SMAD4: variants seen among roughly 807,000 people sequenced by gnomAD.
SMAD4 encodes the protein SMAD family member 4.
Under a neutral mutation model 63.2 loss-of-function variants are expected in SMAD4, and 7 were observed. The observed-to-expected ratio is 0.11, with a 90% CI of 0.06 to 0.21. The LOEUF is 0.21. Among genes scored for constraint, SMAD4 ranks in the 10% least tolerant of loss-of-function variants. The pLI, the probability that SMAD4 is intolerant of heterozygous loss-of-function variation, is 1.00. For synonymous variants in SMAD4, 215 were observed against 235.4 expected (o/e 0.91, Z 0.79); for missense variants, 312 against 693.8 (o/e 0.45, Z 6.18).
intron 1 of SMAD4, among the ~76,000 whole-genome samples, chr18:51,043,598 G>C (rs1379662132): frequency 1.3e-5 from 2 of 152,070 alleles, no homozygotes; most frequent in East Asian, 3.8e-4. Context: ...AGGCACTTGT[G>C]GTCATAGGAA....
At chr18:51,059,844 A>AT in intron 7 of SMAD4, 22 bp from the exon 8 acceptor site, 1 of 1,602,370 alleles carries the variant, frequency 6.2e-7, no homozygotes. Flanking sequence ...TAAAAATGGA[A>AT]TTTTTGTTGT....
intron 9 of SMAD4, 82 bp from the exon 10 acceptor site, chr18:51,066,937 T>G: frequency 9.5e-7 from 1 of 1,048,732 alleles, no homozygotes. Flanking sequence ...TTTTTCAATA[T>G]TAAGCATGCT....
rs199809905 is a variant in SMAD4, at chr18:51,054,933, C to T, written c.607C>T (p.Pro203Ser). The T allele has an allele frequency of 6.2e-7, 1 of 1,614,112 alleles. No individual in the cohort carries two copies. Among genetic ancestry groups the T allele is most frequent in the Non-Finnish European group, 8.5e-7 (1 of 1,179,984 alleles). ...ATACAGCACCCCAGCTCTGTTAGCC[C>T]CATCTGAGTCTAATGCTACCAGCAC... is the stretch of plus-strand genomic sequence containing the variant. The part of the protein sequence containing the change: ...ETYSTPALLA[P>S]SESNATSTAN... Residue 203 changes from proline (P) to serine (S), a missense_variant, in exon 5 of 12, where the codon CCA (proline) becomes TCA (serine). Around this residue, in one of 4 missense-constraint regions of SMAD4, gnomAD observed 169 missense variants for 211.0 expected, o/e 0.80. Coordinates refer to ENST00000342988, the MANE Select transcript of SMAD4 (RefSeq NM_005359.6).
At chr18:51,074,414 C>A (rs1910417987) in intron 10 of SMAD4, among the ~76,000 whole-genome samples, 1 of 152,018 alleles carries the variant, frequency 6.6e-6, no homozygotes, top group African/African-American at 2.4e-5. Flanking sequence ...ACACATATGG[C>A]AAACAAGCAT....
intron 4 of SMAD4, chr18:51,052,876 T>C (rs1169655185): frequency 6.3e-6 from 1 of 157,972 alleles, no homozygotes; most frequent in Non-Finnish European, 1.4e-5. Context: ...AACATGCATA[T>C]GATCATAGTG....
At chr18:51,073,395 A>ACC in intron 10 of SMAD4, among the ~76,000 whole-genome samples, 1 of 62,588 alleles carries the variant, frequency 1.6e-5, no homozygotes. Context: ...ATATACACAC[A>ACC]CACACACACA....
At chr18:51,056,291 G>A (rs934237407) in intron 5 of SMAD4, among the ~76,000 whole-genome samples, 7 of 152,144 alleles carry the variant, frequency 4.6e-5, no homozygotes, top group African/African-American at 1.7e-4. Context: ...CTGTGCCTTT[G>A]TCAATGCTTA....
intron 9 of SMAD4, among the ~76,000 whole-genome samples, chr18:51,066,421 G>C (rs576698550): frequency 1.3e-5 from 2 of 151,846 alleles, no homozygotes; most frequent in Non-Finnish European, 2.9e-5. Context: ...TTCCATTTTA[G>C]CTACTGTATG....
intron 9 of SMAD4, 126 bp from the exon 10 acceptor site, chr18:51,066,893 C>G (rs1037640985): frequency 3.9e-5 from 28 of 713,348 alleles, no homozygotes; most frequent in Admixed American, 9.3e-5. Flanking sequence ...ATGTTAATAG[C>G]TATCTTTTGG....
intron 4 of SMAD4, among the ~76,000 whole-genome samples, chr18:51,050,658 CAAAAA>C (rs796225213): frequency 1.2e-5 from 1 of 84,768 alleles, no homozygotes; most frequent in African/African-American, 3.9e-5. Context: ...GACTCTGTCT[CAAAAA>C]AAAAAAAAAA....
At position 51,079,275 on chromosome 18, in the gene SMAD4, A is replaced by G. The variant is rs183984903; in HGVS notation, c.*808A>G. The stretch of plus-strand genomic sequence containing the variant: ...CACAAGGTTGGTTGCTAAGAAGCCT[A>G]TAAGAGGAATTTCTTTTCCTTCATT... On this transcript the variant is annotated 3_prime_UTR_variant, in exon 12 of 12. Coordinates refer to ENST00000342988, the MANE Select transcript of SMAD4 (RefSeq NM_005359.6). 5.1e-5 allele frequency: 12 copies of G among 233,298 alleles called. No individual in the cohort carries two copies. The highest frequency in any genetic ancestry group is 6.8e-5 in the Non-Finnish European group (8 of 117,890). The allele number at this position is 233,298 out of a possible 1,614,324, so 14.5% of individuals were successfully genotyped here.
intron 1 of SMAD4, among the ~76,000 whole-genome samples, chr18:51,032,237 A>G (rs1339375018): frequency 6.6e-6 from 1 of 152,150 alleles, no homozygotes; most frequent in Non-Finnish European, 1.5e-5. Context: ...TTTGCTTTCC[A>G]GGTTTTTGGG....
chr18:51,034,768 AC>A (rs1396580084), intron 1 of SMAD4, among the ~76,000 whole-genome samples: 2 of 150,020 alleles, frequency 1.3e-5, no homozygotes, highest in African/African-American at 4.9e-5. Context: ...CTGGTCTTGA[AC>A]TCTTGGGTTC....
intron 5 of SMAD4, among the ~76,000 whole-genome samples, chr18:51,056,134 A>G (rs1053500573): frequency 2.6e-5 from 4 of 152,190 alleles, no homozygotes; most frequent in Non-Finnish European, 5.9e-5. Context: ...TTATCTGTCT[A>G]CTTTTTATTT....
chr18:51,037,835 T>A (rs1169572290), intron 1 of SMAD4, among the ~76,000 whole-genome samples: 1 of 152,210 alleles, frequency 6.6e-6, no homozygotes, highest in East Asian at 1.9e-4. Flanking sequence ...TAAAGTGAGC[T>A]GGCCACTTCG....
chr18:51,038,710 C>G (rs1909283910), intron 1 of SMAD4, among the ~76,000 whole-genome samples: 1 of 152,116 alleles, frequency 6.6e-6, no homozygotes, highest in Non-Finnish European at 1.5e-5. Flanking sequence ...TACTCTGATT[C>G]CTGACTTTGT....
chr18:51,080,992 C>G lies in SMAD4; in HGVS notation c.*2525C>G, dbSNP rs904337121. ...AGAGCCATAAAGTATAGAAATACTT[C>G]TAGTTGTTAAGTGCTTATATTTGTA... On this transcript the variant is annotated 3_prime_UTR_variant, in exon 12 of 12. Transcript: ENST00000342988. 8.3e-5 allele frequency: 17 copies of G among 205,080 alleles called. No individual in the cohort carries two copies. The highest frequency in any genetic ancestry group is 6.0e-5 in the Admixed American group (1 of 16,714). 12.7% of individuals were successfully genotyped at this position (205,080 alleles called of 1,614,324 possible).
At chr18:51,031,832 C>G (rs980167739) in intron 1 of SMAD4, among the ~76,000 whole-genome samples, 3 of 151,814 alleles carry the variant, frequency 2.0e-5, no homozygotes, top group African/African-American at 7.3e-5. Context: ...TTGCCATACC[C>G]TGCAGAGACT....
chr18:51,081,011 A>G lies in SMAD4; in HGVS notation c.*2544A>G, dbSNP rs1481437134. On this transcript the variant is annotated 3_prime_UTR_variant, in exon 12 of 12. Coordinates refer to ENST00000342988, the MANE Select transcript of SMAD4 (RefSeq NM_005359.6). ...ATACTTCTAGTTGTTAAGTGCTTAT[A>G]TTTGTACCTAGATTTAGTCACACGC... 3 of 207,708 alleles carry G rather than the reference A, an allele frequency of 1.4e-5. No individual in the cohort carries two copies. In the East Asian group the frequency reaches 2.2e-4, roughly 15 times the overall value. The allele number at this position is 207,708 out of a possible 1,614,324, so 12.9% of individuals were successfully genotyped here. A position where few individuals can be genotyped will look rare whatever the true frequency, so the allele number is the denominator to read the frequency against.
Sources: allele counts gnomAD v4.1 joint callset (sites outside exome capture counted in the v4.1 genomes callset), GRCh38; gene constraint gnomAD v4.1.1; regional missense constraint gnomAD v4.1.1; transcripts MANE v1.5; gene names NCBI Gene and HGNC (gene_info 2026-07-23, HGNC 2026-07-21).